Variants in RBM44 observed in about 807,000 individuals in gnomAD.
RBM44 encodes RNA binding motif protein 44, also known as RNA-binding protein 44.
A neutral mutation model predicts 105.1 loss-of-function variants in RBM44; 66 were observed. The observed-to-expected ratio is 0.63, with a 90% CI of 0.52 to 0.77. RBM44 has a LOEUF of 0.77. Among genes scored for constraint, RBM44 ranks in the 30% least tolerant of loss-of-function variants. RBM44 has a pLI of 0.00. For synonymous variants in RBM44, 365 were observed against 417.6 expected (o/e 0.87, Z 1.54); for missense variants, 1,122 against 1,207.8 (o/e 0.93, Z 1.05).
In RBM44 at chr2:237,829,387, T is replaced by C. The variant is rs1576514330; in HGVS notation, c.2771T>C (p.Leu924Ser). The C allele has an allele frequency of 5.0e-6, 8 of 1,613,536 alleles. No homozygotes were observed. In the African/African-American group the frequency reaches 9.3e-5, roughly 19 times the overall value. ...KNGNRISSNN[L>S]EKSTNKQIHS... is the part of the protein sequence containing the mutation. ...GGGAATAGAATTAGTTCGAATAATT[T>C]AGAGAAAAGCACCAACAAACAAATC... Residue 924 changes from leucine to serine, a missense_variant, in exon 13 of 16, where the codon TTA becomes TCA. By Grantham distance (145) the Leu-to-Ser change is moderately radical. This residue lies in a region of RBM44 where 194 missense variants were observed against 225.5 expected (regional missense o/e 0.86). Coordinates refer to ENST00000316997, the MANE Select transcript of RBM44 (RefSeq NM_001080504.3).
At chr2:237,832,396 C>T (rs563360970) in intron 13 of RBM44, among the ~76,000 whole-genome samples, 1 of 152,274 alleles carries the variant, frequency 6.6e-6, no homozygotes, top group African/African-American at 2.4e-5. Flanking sequence ...TCAAGTGATC[C>T]TTCCACCTTG....
At chr2:237,837,942 A>G (rs540344979) in intron 15 of RBM44, among the ~76,000 whole-genome samples, 1 of 151,622 alleles carries the variant, frequency 6.6e-6, no homozygotes, top group African/African-American at 2.4e-5. Context: ...GGGTGTTTAA[A>G]AAAAAGTTTA....
At position 237,817,613 on chromosome 2, in the gene RBM44, G is replaced by A; in HGVS notation, c.694G>A (p.Val232Ile). ...TTATGAAGTTAAATGTGCTAGCAATGTAGAAGATAATCGTGTTAACTCGGG... is the reference window on the plus strand; with the variant it reads ...TTATGAAGTTAAATGTGCTAGCAATATAGAAGATAATCGTGTTAACTCGGG... ...SGYEVKCASN[V>I]EDNRVNSGSG... Residue 232 changes from valine (V) to isoleucine (I), a missense_variant, in exon 3 of 16, where the codon GTA (valine) becomes ATA (isoleucine). Val to Ile is a conservative substitution (Grantham distance 29). Transcript: ENST00000316997. 1 of 1,612,992 alleles carries A rather than the reference G, an allele frequency of 6.2e-7. No individual in the cohort carries two copies. The highest frequency in any genetic ancestry group is 8.5e-7 in the Non-Finnish European group (1 of 1,179,446).
At chr2:237,832,079 C>T (rs1427746602) in intron 13 of RBM44, among the ~76,000 whole-genome samples, 1 of 151,894 alleles carries the variant, frequency 6.6e-6, no homozygotes, top group Non-Finnish European at 1.5e-5. Context: ...CTTTGTTTTG[C>T]TTGATTCTAA....
At chr2:237,800,574 A>G (rs550341638) in intron 1 of RBM44, among the ~76,000 whole-genome samples, 11 of 152,180 alleles carry the variant, frequency 7.2e-5, no homozygotes, top group Non-Finnish European at 1.3e-4. Flanking sequence ...TTTTTTGAAA[A>G]TATGTTTTTA....
intron 15 of RBM44, among the ~76,000 whole-genome samples, chr2:237,835,226 C>T (rs1202637418): frequency 6.6e-6 from 1 of 151,734 alleles, no homozygotes; most frequent in South Asian, 2.1e-4. Flanking sequence ...CTGGCTGTTT[C>T]CCCATCTCTT....
chr2:237,831,855 A>G (rs2150988244), intron 13 of RBM44, among the ~76,000 whole-genome samples: 1 of 152,190 alleles, frequency 6.6e-6, no homozygotes, highest in Non-Finnish European at 1.5e-5. Flanking sequence ...TGTTTGGTAC[A>G]TAGCCTCGAT....
intron 1 of RBM44, among the ~76,000 whole-genome samples, chr2:237,807,703 T>C (rs1239939963): frequency 6.6e-6 from 1 of 152,184 alleles, no homozygotes; most frequent in Non-Finnish European, 1.5e-5. Flanking sequence ...ACCCAAGGAA[T>C]AGATTATTTG....
intron 12 of RBM44, among the ~76,000 whole-genome samples, chr2:237,828,726 T>A (rs1477809201): frequency 6.6e-6 from 1 of 152,166 alleles, no homozygotes; most frequent in Non-Finnish European, 1.5e-5. Flanking sequence ...GATTAGATTT[T>A]CCAACTCTTT....
intron 1 of RBM44, among the ~76,000 whole-genome samples, chr2:237,801,829 A>C (rs1015608384): frequency 6.6e-6 from 1 of 152,108 alleles, no homozygotes; most frequent in African/African-American, 2.4e-5. Flanking sequence ...TTATTAATGC[A>C]ACTGTGCTAT....
In RBM44 at chr2:237,817,450, G is replaced by C; in HGVS notation, c.531G>C (p.Lys177Asn). The C allele has an allele frequency of 6.3e-7, 1 of 1,599,422 alleles. No homozygotes were observed. The highest frequency in any genetic ancestry group is 8.5e-7 in the Non-Finnish European group (1 of 1,172,156). The change falls in exon 3 of 16, where the codon AAG (lysine) becomes AAC (asparagine). Residue 177 changes from lysine to asparagine, a missense_variant. Transcript: ENST00000316997. ...GAGAAAGTGCTGAAGATACACAAAA[G>C]CATGATACAGATGAAGACTCACAGC... The part of the protein sequence containing the change: ...NYRESAEDTQ[K>N]HDTDEDSQQE...
At chr2:237,820,387 A>T (rs1559914768) in intron 5 of RBM44, 36 bp downstream of exon 5, 1 of 1,274,404 alleles carries the variant, frequency 7.8e-7, no homozygotes, top group East Asian at 2.5e-5. Context: ...TTTCTTAGAA[A>T]TGTGTCACTA....
chr2:237,812,313 G>A (rs187955075), intron 1 of RBM44, among the ~76,000 whole-genome samples: 1 of 152,130 alleles, frequency 6.6e-6, no homozygotes, highest in Non-Finnish European at 1.5e-5. Flanking sequence ...ATTCTTGAGA[G>A]TTGACTGTTT....
chr2:237,817,782 C>G lies in RBM44; in HGVS notation c.863C>G (p.Ser288Ter). Residue 288 changes from serine (S) to a stop codon, truncating the protein, a stop_gained, in exon 3 of 16, where the codon TCA becomes TGA. Coordinates refer to ENST00000316997, the MANE Select transcript of RBM44 (RefSeq NM_001080504.3). LOFTEE classifies it high-confidence loss of function. ...AAGTATAAGGAACAAGAGACTAATT[C>G]AATGTACCACACTGTATTTGATGGC... ...HEKYKEQETNSMYHTVFDGSV... is the reference protein window; with the variant it reads ...HEKYKEQETN The G allele has an allele frequency of 6.2e-7, 1 of 1,611,270 alleles. No individual in the cohort carries two copies. Among genetic ancestry groups the G allele is most frequent in the Non-Finnish European group, 8.5e-7 (1 of 1,178,448 alleles).
rs558543564 is a variant in RBM44, at chr2:237,836,597, T to C, written c.*22+2174T>C. Reference sequence around the variant, plus strand: ...GAGATCGAGACCATCCTGGCCAACATGGTGAAACCCCGTCTCTACTAAAAA... The same window carrying C: ...GAGATCGAGACCATCCTGGCCAACACGGTGAAACCCCGTCTCTACTAAAAA... On this transcript the variant is annotated intron_variant, in intron 15 of 15. Coordinates refer to ENST00000316997, the MANE Select transcript of RBM44 (RefSeq NM_001080504.3). Among the ~76,000 whole-genome samples, 90 of 151,894 alleles carry C rather than the reference T, an allele frequency of 5.9e-4. 1 individual carries two copies. The East Asian group carries it at 0.015, about 25-fold the overall frequency.
At chr2:237,821,683 T>C in intron 7 of RBM44, 60 bp from the exon 8 acceptor site, 1 of 1,179,360 alleles carries the variant, frequency 8.5e-7, no homozygotes, top group Non-Finnish European at 1.2e-6. Context: ...TAGTTAACTA[T>C]AGTCACCTTA....
chr2:237,807,606 A>G (rs1372448972), intron 1 of RBM44, among the ~76,000 whole-genome samples: 1 of 152,192 alleles, frequency 6.6e-6, no homozygotes, highest in Non-Finnish European at 1.5e-5. Flanking sequence ...TTTAGAAGAA[A>G]TGATTTGAGA....
chr2:237,813,667 G>C lies in RBM44; in HGVS notation c.58G>C (p.Gly20Arg), dbSNP rs2061682432. The change falls in exon 2 of 16, where the codon GGC becomes CGC. Residue 20 changes from glycine (G) to arginine (R), a missense_variant. Transcript: ENST00000316997. ...TGGTAAAGGCTACCACAGTAATGGA[G>C]GCAACCTCCAAAAAGGTAAGGGTCT... ...ASGKGYHSNGGNLQKDKPSNP... is the reference protein window; with the variant it reads ...ASGKGYHSNGRNLQKDKPSNP... 3 of 1,608,494 alleles carry C rather than the reference G, an allele frequency of 1.9e-6. No individual in the cohort carries two copies. The African/African-American group carries it at 4.0e-5, about 22-fold the overall frequency.
chr2:237,818,315 C>A lies in RBM44; in HGVS notation c.1396C>A (p.Gln466Lys). The change falls in exon 3 of 16, where the codon CAG (glutamine) becomes AAG (lysine). Residue 466 changes from glutamine (Q) to lysine (K), a missense_variant. Physicochemically the swap from Gln to Lys is moderately conservative, Grantham distance 53. Transcript: ENST00000316997. This position sits in a 1 kb window ranked among gnomAD's most constrained non-coding sequence, Gnocchi z 4.6. Reference protein sequence around the residue: ...DAASCTVTINQTVDVSTDFRA... With the variant: ...DAASCTVTINKTVDVSTDFRA... Reference sequence around the variant, plus strand: ...AGCAAGTTGTACAGTCACAATTAATCAGACAGTGGACGTTAGCACTGATTT... The same window carrying A: ...AGCAAGTTGTACAGTCACAATTAATAAGACAGTGGACGTTAGCACTGATTT... 1 of 1,613,280 alleles carries A rather than the reference C, an allele frequency of 6.2e-7. No individual in the cohort carries two copies. The highest frequency in any genetic ancestry group is 1.1e-5 in the South Asian group (1 of 91,046).
Sources: allele counts gnomAD v4.1 joint callset (sites outside exome capture counted in the v4.1 genomes callset), GRCh38; gene constraint gnomAD v4.1.1; regional missense constraint gnomAD v4.1.1; non-coding constraint Gnocchi (gnomAD v3.1); transcripts MANE v1.5; gene names NCBI Gene and HGNC (gene_info 2026-07-23, HGNC 2026-07-21).